PLPPR2: variants seen among roughly 807,000 people sequenced by gnomAD.
PLPPR2 encodes the protein phospholipid phosphatase-related protein type 2.
A neutral mutation model predicts 40.3 loss-of-function variants in PLPPR2; 11 were observed. The ratio of observed to expected loss-of-function variants is 0.27; its 90% CI spans 0.17 to 0.45. The LOEUF (loss-of-function observed/expected upper bound fraction) is 0.45, where lower values mean the gene tolerates loss of function less well. PLPPR2 is among the 20% of genes least tolerant of loss of function. PLPPR2 has a pLI of 1.00. For synonymous variants in PLPPR2, 260 were observed against 290.8 expected (o/e 0.89, Z 1.08); for missense variants, 497 against 640.7 (o/e 0.78, Z 2.42).
chr19:11,359,833 G>A lies in PLPPR2; in HGVS notation c.268G>A (p.Glu90Lys). 1.2e-6 allele frequency: 2 copies of A among 1,612,228 alleles called. No individual in the cohort carries two copies. Among genetic ancestry groups the A allele is most frequent in the Non-Finnish European group, 1.7e-6 (2 of 1,178,664 alleles). ...GTCTTGCCCACAGATCCTGCTGGGA[G>A]AGCTGGCGCGTGCCTTTTTCCCTGC... ...AGPTLTILLG[E>K]LARAFFPAPP... Residue 90 changes from glutamate to lysine, a missense_variant, in exon 5 of 10, where the codon GAG becomes AAG. By Grantham distance (56) the Glu-to-Lys change is moderately conservative. Coordinates refer to ENST00000688289, the MANE Select transcript of PLPPR2 (RefSeq NM_001393892.1). The surrounding 1 kb of genome is among the most constrained non-coding windows in gnomAD (Gnocchi z 5.6).
At position 11,364,696 on chromosome 19, in the gene PLPPR2, G is replaced by A. The variant is rs1234141259; in HGVS notation, c.*6G>A. On this transcript the variant is annotated 3_prime_UTR_variant, in exon 10 of 10. Coordinates refer to ENST00000688289, the MANE Select transcript of PLPPR2 (RefSeq NM_001393892.1). The surrounding 1 kb of genome is among the most constrained non-coding windows in gnomAD (Gnocchi z 5.8). ...GCCGTGACCACCTGCTGTGAGGCCCGACCACCCACCCAGAATCTGCCCAGT... is the reference window on the plus strand; with the variant it reads ...GCCGTGACCACCTGCTGTGAGGCCCAACCACCCACCCAGAATCTGCCCAGT... 15 of 1,536,706 alleles carry A rather than the reference G, an allele frequency of 9.8e-6. No individual in the cohort carries two copies. The highest frequency in any genetic ancestry group is 6.0e-5 in the South Asian group (5 of 84,012).
In PLPPR2 at chr19:11,361,122, T is replaced by C. The variant is rs1218198521; in HGVS notation, c.392-95T>C. 1.4e-6 allele frequency: 2 copies of C among 1,461,456 alleles called. No homozygotes were observed. The highest frequency in any genetic ancestry group is 1.4e-5 in the African/African-American group (1 of 71,344). The allele number at this position is 1,461,456 out of a possible 1,614,324, so 90.5% of individuals were successfully genotyped here. A position where few individuals can be genotyped will look rare whatever the true frequency, so the allele number is the denominator to read the frequency against. ...CTACAGGGTCCCAAGTGTGCTTTAA[T>C]GACAGTCACAGGAAAAGGGAGCTAA... On this transcript the variant is annotated intron_variant, in intron 5 of 9. Transcript: ENST00000688289. This position sits in a 1 kb window ranked among gnomAD's most constrained non-coding sequence, Gnocchi z 6.3.
rs1017377767 is a variant in PLPPR2, at chr19:11,365,497, CCT to C, written c.*808_*809del. 2.6e-5 allele frequency: 4 copies of C among 152,674 alleles called. No individual in the cohort carries two copies. Among genetic ancestry groups the C allele is most frequent in the South Asian group, 2.1e-4 (1 of 4,824 alleles). 9.5% of individuals were successfully genotyped at this position (152,674 alleles called of 1,614,324 possible). The stretch of plus-strand genomic sequence containing the variant: ...TTTCTTCTTTTTCTTGGAACCTGCC[CCT>C]GTTCTTCACACTGCCCCCCATGCCT... On this transcript the variant is annotated 3_prime_UTR_variant, in exon 10 of 10. Coordinates refer to ENST00000688289, the MANE Select transcript of PLPPR2 (RefSeq NM_001393892.1).
Position 11,359,583 on chromosome 19 carries a change from G to A in PLPPR2, c.118G>A (p.Asp40Asn). 6.2e-7 allele frequency: 1 copy of A among 1,601,994 alleles called. No individual in the cohort carries two copies. Residue 40 changes from aspartate to asparagine, a missense_variant, in exon 4 of 10, where the codon GAC becomes AAC. By Grantham distance (23) the Asp-to-Asn change is conservative. Coordinates refer to ENST00000688289, the MANE Select transcript of PLPPR2 (RefSeq NM_001393892.1). This position sits in a 1 kb window ranked among gnomAD's most constrained non-coding sequence, Gnocchi z 5.6. The part of the protein sequence containing the change: ...ILLAYRLEFT[D>N]TFPVHTQGFF... ...GCTTGCTTACCGCCTGGAGTTCACG[G>A]ACACCTTCCCTGTGCACACCCAGGG... is the stretch of plus-strand genomic sequence containing the variant.
chr19:11,361,080 G>A lies in PLPPR2; in HGVS notation c.392-137G>A, dbSNP rs1253914973. The A allele has an allele frequency of 8.8e-7, 1 of 1,135,196 alleles. No homozygotes were observed. Among genetic ancestry groups the A allele is most frequent in the Admixed American group, 2.9e-5 (1 of 35,024 alleles). The allele number at this position is 1,135,196 out of a possible 1,614,324, so 70.3% of individuals were successfully genotyped here. A position where few individuals can be genotyped will look rare whatever the true frequency, so the allele number is the denominator to read the frequency against. ...TACCTTCATGGTGGTCTTAAAGGAA[G>A]GGGGATGTTGGCACAACTACAGGGT... On this transcript the variant is annotated intron_variant, in intron 5 of 9. Transcript: ENST00000688289. The surrounding 1 kb of genome is among the most constrained non-coding windows in gnomAD (Gnocchi z 6.3).
In PLPPR2 at chr19:11,357,680, G is replaced by A. The variant is rs771066916; in HGVS notation, c.7G>A (p.Gly3Arg). The change falls in exon 3 of 10, where the codon GGA (glycine) becomes AGA (arginine). Residue 3 changes from glycine to arginine, a missense_variant. By Grantham distance (125) the Gly-to-Arg change is moderately radical (BLOSUM62 -2). Transcript: ENST00000688289. MAGGRPHLKRSFS... is the reference protein window; with the variant it reads MARGRPHLKRSFS... ...TGCAGGCCTGGCCTTCACCATGGCG[G>A]GAGGGAGACCGCATCTGAAGAGGAG... The A allele has an allele frequency of 1.2e-6, 2 of 1,606,696 alleles. No homozygotes were observed. Among genetic ancestry groups the A allele is most frequent in the South Asian group, 2.2e-5 (2 of 89,574 alleles).
rs1441047726 is a variant in PLPPR2 at position 11,363,401 on chromosome 19, G to T, written c.841-312G>T. Among the ~76,000 whole-genome samples the T allele has an allele frequency of 6.6e-6, 1 of 152,094 alleles. No homozygotes were observed. Among genetic ancestry groups the T allele is most frequent in the East Asian group, 1.9e-4 (1 of 5,196 alleles). ...GGAGGTGGAGTTTGCAGTGAGCTGA[G>T]ATTGCACCACTGCACTCCAGCCTGG... On this transcript the variant is annotated intron_variant, in intron 7 of 9. Coordinates refer to ENST00000688289, the MANE Select transcript of PLPPR2 (RefSeq NM_001393892.1). This position sits in a 1 kb window ranked among gnomAD's most constrained non-coding sequence, Gnocchi z 4.8.
At chr19:11,360,585 T>C (rs1968016517) in intron 5 of PLPPR2, among the ~76,000 whole-genome samples, 1 of 151,982 alleles carries the variant, frequency 6.6e-6, no homozygotes, top group South Asian at 2.1e-4. Flanking sequence ...ATGGCAACTG[T>C]CGGAAGAGGG....
Position 11,363,926 on chromosome 19 carries a change from G to T in PLPPR2, c.963+91G>T. On this transcript the variant is annotated intron_variant, in intron 8 of 9. Transcript: ENST00000688289. The surrounding 1 kb of genome is among the most constrained non-coding windows in gnomAD (Gnocchi z 4.8). ...GAAGGAAGTCAGGCAAGAGGTGGGG[G>T]TCTCAGAACCATGGGGAAGTGGAGG... 6.8e-7 allele frequency: 1 copy of T among 1,471,140 alleles called. No homozygotes were observed. Among genetic ancestry groups the T allele is most frequent in the Non-Finnish European group, 9.2e-7 (1 of 1,091,950 alleles). 91.1% of individuals were successfully genotyped at this position (1,471,140 alleles called of 1,614,324 possible). A position where few individuals can be genotyped will look rare whatever the true frequency, so the allele number is the denominator to read the frequency against.
At chr19:11,357,768 C>T (rs760937385) in intron 3 of PLPPR2, 29 bp downstream of exon 3, 41 of 1,561,154 alleles carry the variant, frequency 2.6e-5, no homozygotes, top group African/African-American at 1.9e-4. Flanking sequence ...CTCCCAGAGA[C>T]GGCGTGCCTA....
rs1967925182 is a variant in PLPPR2 at position 11,357,684 on chromosome 19, G to A, written c.11G>A (p.Gly4Glu). ...GGCCTGGCCTTCACCATGGCGGGAG[G>A]GAGACCGCATCTGAAGAGGAGTTTC... Reference protein sequence around the residue: MAGGRPHLKRSFSI... With the variant: MAGERPHLKRSFSI... Residue 4 changes from glycine (G) to glutamate (E), a missense_variant, in exon 3 of 10, where the codon GGG becomes GAG. By Grantham distance (98) the Gly-to-Glu change is moderately conservative. Coordinates refer to ENST00000688289, the MANE Select transcript of PLPPR2 (RefSeq NM_001393892.1). The A allele has an allele frequency of 6.2e-7, 1 of 1,606,758 alleles. No homozygotes were observed.
At chr19:11,357,273 G>A (rs1247553730) in intron 2 of PLPPR2, among the ~76,000 whole-genome samples, 2 of 152,026 alleles carry the variant, frequency 1.3e-5, no homozygotes, top group Non-Finnish European at 2.9e-5. Flanking sequence ...AAAGAGGATG[G>A]TGTCCCCTAA....
rs893712499 is a variant in PLPPR2 at position 11,363,861 on chromosome 19, G to A, written c.963+26G>A. On this transcript the variant is annotated intron_variant, in intron 8 of 9. Coordinates refer to ENST00000688289, the MANE Select transcript of PLPPR2 (RefSeq NM_001393892.1). This position sits in a 1 kb window ranked among gnomAD's most constrained non-coding sequence, Gnocchi z 4.8. ...GTAAGGGGGGCCGGGGGCTGCTCCC[G>A]GCTGGAGAGGGTGGTGGGTGGAGGG... The A allele has an allele frequency of 8.7e-6, 14 of 1,605,804 alleles. No individual in the cohort carries two copies. The highest frequency in any genetic ancestry group is 1.3e-5 in the African/African-American group (1 of 74,702).
At position 11,361,853 on chromosome 19, in the gene PLPPR2, G is replaced by A. The variant is rs2144675507; in HGVS notation, c.663+365G>A. ...AGGATGCTACAGGCGCTAGATATTA[G>A]CTGGCAGACTGGGCAGATGGGACGG... On this transcript the variant is annotated intron_variant, in intron 6 of 9. Coordinates refer to ENST00000688289, the MANE Select transcript of PLPPR2 (RefSeq NM_001393892.1). This position sits in a 1 kb window ranked among gnomAD's most constrained non-coding sequence, Gnocchi z 6.3. Among the ~76,000 whole-genome samples, 1 of 152,244 alleles carries A rather than the reference G, an allele frequency of 6.6e-6. No individual in the cohort carries two copies. Among genetic ancestry groups the A allele is most frequent in the Non-Finnish European group, 1.5e-5 (1 of 68,006 alleles).
In PLPPR2 at chr19:11,364,846, C is replaced by T. The variant is rs1230739401; in HGVS notation, c.*156C>T. 2 of 798,132 alleles carry T rather than the reference C, an allele frequency of 2.5e-6. No homozygotes were observed. The highest frequency in any genetic ancestry group is 1.7e-5 in the African/African-American group (1 of 58,020). The allele number at this position is 798,132 out of a possible 1,614,324, so 49.4% of individuals were successfully genotyped here. A position where few individuals can be genotyped will look rare whatever the true frequency, so the allele number is the denominator to read the frequency against. On this transcript the variant is annotated 3_prime_UTR_variant, in exon 10 of 10. Coordinates refer to ENST00000688289, the MANE Select transcript of PLPPR2 (RefSeq NM_001393892.1). This position sits in a 1 kb window ranked among gnomAD's most constrained non-coding sequence, Gnocchi z 5.8. ...TAGAAGGACATTTAGGAGACATCTGCCTCTCTGGCCCTCTGAGATATCCCG... is the reference window on the plus strand; with the variant it reads ...TAGAAGGACATTTAGGAGACATCTGTCTCTCTGGCCCTCTGAGATATCCCG...
rs112246244 is a variant in PLPPR2 at position 11,358,561 on chromosome 19, A to T, written c.66+822A>T. ...CCCTAATCTCACTCTCCCCATGCCC[A>T]TCTCTTCTCTCCCTCTCTCTACAAC... On this transcript the variant is annotated intron_variant, in intron 3 of 9. Transcript: ENST00000688289. Among the ~76,000 whole-genome samples, 241 of 149,254 alleles carry T rather than the reference A, an allele frequency of 1.6e-3. 1 individual carries two copies. The highest frequency in any genetic ancestry group is 5.7e-3 in the African/African-American group (231 of 40,382).
At position 11,361,311 on chromosome 19, in the gene PLPPR2, C is replaced by T; in HGVS notation, c.486C>T (p.Cys162=). ...GNPTPHFLSV[C]RPNYTALGCL... is the part of the protein sequence containing the mutation. ...CCACGCCACACTTCCTGTCCGTGTGCCGCCCCAACTACACGGCCCTGGGCT... is the reference window on the plus strand; with the variant it reads ...CCACGCCACACTTCCTGTCCGTGTGTCGCCCCAACTACACGGCCCTGGGCT... The change falls in exon 6 of 10, where the codon TGC becomes TGT. Residue 162 remains cysteine (C), a synonymous_variant. Transcript: ENST00000688289. This position sits in a 1 kb window ranked among gnomAD's most constrained non-coding sequence, Gnocchi z 6.3. 6.2e-6 allele frequency: 10 copies of T among 1,613,678 alleles called. No individual in the cohort carries two copies. Among genetic ancestry groups the T allele is most frequent in the Non-Finnish European group, 8.5e-6 (10 of 1,179,956 alleles).
chr19:11,362,670 C>G lies in PLPPR2; in HGVS notation c.821C>G (p.Ala274Gly). 6.2e-7 allele frequency: 1 copy of G among 1,612,600 alleles called. No homozygotes were observed. Among genetic ancestry groups the G allele is most frequent in the South Asian group, 1.1e-5 (1 of 90,994 alleles). Residue 274 changes from alanine (A) to glycine (G), a missense_variant, in exon 7 of 10, where the codon GCG (alanine) becomes GGG (glycine). Coordinates refer to ENST00000688289, the MANE Select transcript of PLPPR2 (RefSeq NM_001393892.1). The surrounding 1 kb of genome is among the most constrained non-coding windows in gnomAD (Gnocchi z 5.3). ...GTGCTGGCTGGCTTCCTGACAGGGG[C>G]GGCCATCGCCACCTTTTTGGTGAGT... ...SDVLAGFLTG[A>G]AIATFLVTCV...
chr19:11,359,073 G>T lies in PLPPR2; in HGVS notation c.67-459G>T, dbSNP rs1353635519. On this transcript the variant is annotated intron_variant, in intron 3 of 9. Transcript: ENST00000688289. This position sits in a 1 kb window ranked among gnomAD's most constrained non-coding sequence, Gnocchi z 5.6. ...TCCTTTCTTTTTTTTCTGAGACAGG[G>T]TCTCCCTCTGTCACCCAGGCTGGAG... is the stretch of plus-strand genomic sequence containing the variant. Among the ~76,000 whole-genome samples, 1 of 151,076 alleles carries T rather than the reference G, an allele frequency of 6.6e-6. No individual in the cohort carries two copies. Among genetic ancestry groups the T allele is most frequent in the African/African-American group, 2.4e-5 (1 of 41,012 alleles).
Sources: gnomAD v4.1 joint callset for allele counts (sites outside exome capture counted in the v4.1 genomes callset) on GRCh38, gnomAD v4.1.1 for gene constraint, Gnocchi (gnomAD v3.1) non-coding constraint, MANE v1.5 for transcripts, NCBI Gene and HGNC (gene_info 2026-07-23, HGNC 2026-07-21) for gene names.